The following SCAF4 variants were observed in gnomAD, a reference collection of about 807,000 sequenced individuals.
The protein encoded by SCAF4 is SR-related CTD associated factor 4.
A neutral mutation model predicts 129.8 loss-of-function variants in SCAF4; 25 were observed. That is an observed-to-expected ratio of 0.19 (90% CI 0.14 to 0.27). The LOEUF is 0.27. Ranked by LOEUF, SCAF4 falls within the 10% of genes least tolerant of loss-of-function variation. SCAF4 has a pLI of 1.00. For missense variants in SCAF4, 1,246 were observed against 1,457.1 expected (o/e 0.86, Z 2.36); for synonymous variants, 551 against 497.7 (o/e 1.11, Z -1.43).
At chr21:31,672,507 A>G (rs2833475) in intron 19 of SCAF4, among the ~76,000 whole-genome samples, 153 bp from the exon 20 acceptor site, 20,555 of 152,248 alleles carry the variant, frequency 0.14, 2,117 homozygotes, top group East Asian at 0.51. Context: ...TGTGAGGCCT[A>G]GTAACAACCT....
intron 1 of SCAF4, among the ~76,000 whole-genome samples, chr21:31,708,294 T>G (rs2050717056): frequency 6.6e-6 from 1 of 151,760 alleles, no homozygotes; most frequent in African/African-American, 2.4e-5. Flanking sequence ...GAGAATCGCT[T>G]GAACCCAGGA....
intron 3 of SCAF4, among the ~76,000 whole-genome samples, chr21:31,704,450 G>C (rs957623145): frequency 6.6e-6 from 1 of 151,786 alleles, no homozygotes; most frequent in African/African-American, 2.4e-5. Flanking sequence ...AGTGGAAACA[G>C]GTATAACCCT....
At position 31,708,373 on chromosome 21, in the gene SCAF4, C is replaced by A. The variant is rs538316689; in HGVS notation, c.31-2016G>T. On this transcript the variant is annotated intron_variant, in intron 1 of 19. Transcript: ENST00000286835. ...CCAGGCCAGGCGACAGAGCGAGACT[C>A]TGTCTTTAAAAAAAAAAAAGAAAAG... 6.0e-4 allele frequency among the ~76,000 whole-genome samples: 90 copies of A among 150,112 alleles called. No individual in the cohort carries two copies. In the South Asian group the frequency reaches 0.019, roughly 31 times the overall value.
Position 31,731,728 on chromosome 21 carries a change from G to A in SCAF4, c.-36C>T, listed in dbSNP as rs777415439. On this transcript the variant is annotated 5_prime_UTR_variant, in exon 1 of 20. Transcript: ENST00000286835. ...CGGCGGCGGCTGCTCCGGGCCCGCCGGTCACATAGACCTCGCGCCGCGGCG... is the reference window on the plus strand; with the variant it reads ...CGGCGGCGGCTGCTCCGGGCCCGCCAGTCACATAGACCTCGCGCCGCGGCG... The A allele has an allele frequency of 3.2e-6, 5 of 1,570,338 alleles. No homozygotes were observed. Among genetic ancestry groups the A allele is most frequent in the African/African-American group, 2.8e-5 (2 of 70,920 alleles).
At position 31,685,549 on chromosome 21, in the gene SCAF4, CACAG is replaced by C. The variant is rs1334799542; in HGVS notation, c.2209+15_2209+18del. ...TCCATCGCAGGCTCTAAAGTATGTT[CACAG>C]ACAATTTAGTGTACCTGGTGGTAAA... On this transcript the variant is annotated intron_variant, in intron 17 of 19. Transcript: ENST00000286835. 1.2e-6 allele frequency: 2 copies of C among 1,613,942 alleles called. No homozygotes were observed. The highest frequency in any genetic ancestry group is 1.7e-6 in the Non-Finnish European group (2 of 1,179,970).
intron 15 of SCAF4, among the ~76,000 whole-genome samples, chr21:31,689,447 G>A (rs140462866): frequency 6.8e-4 from 102 of 149,212 alleles, no homozygotes; most frequent in African/African-American, 2.2e-3. Flanking sequence ...ACAGACACCC[G>A]CCACCACATC....
intron 5 of SCAF4, 59 bp downstream of exon 5, chr21:31,702,185 C>T (rs1221261999): frequency 6.2e-7 from 1 of 1,602,452 alleles, no homozygotes; most frequent in African/African-American, 1.3e-5. Flanking sequence ...TAAACTCTGA[C>T]TGTTTCATGT....
chr21:31,717,892 T>TACAC (rs1295847445), intron 1 of SCAF4, among the ~76,000 whole-genome samples: 1 of 108,520 alleles, frequency 9.2e-6, no homozygotes, highest in Non-Finnish European at 1.7e-5. Flanking sequence ...TATACACATA[T>TACAC]ATACACATAT....
At chr21:31,718,765 C>T (rs1273657272) in intron 1 of SCAF4, among the ~76,000 whole-genome samples, 2 of 152,212 alleles carry the variant, frequency 1.3e-5, no homozygotes, top group Non-Finnish European at 2.9e-5. Flanking sequence ...TCATAAGCAA[C>T]AAAACCGCAC....
chr21:31,723,629 T>TGTGTGTGTGC (rs1271033175), intron 1 of SCAF4, among the ~76,000 whole-genome samples: 5 of 149,000 alleles, frequency 3.4e-5, no homozygotes, highest in African/African-American at 9.9e-5. Flanking sequence ...TGTGTGTGTG[T>TGTGTGTGTGC]GCGCGCGCGC....
In SCAF4 at chr21:31,701,024, G is replaced by C. The variant is rs772938632; in HGVS notation, c.748C>G (p.Pro250Ala). Residue 250 changes from proline to alanine, a missense_variant, in exon 7 of 20, where the codon CCA becomes GCA. Coordinates refer to ENST00000286835, the MANE Select transcript of SCAF4 (RefSeq NM_020706.2). ...TCAAATGCAGTTTTCTGTTCAGGTG[G>C]GGGGAAAGCAGCTTTTTGTTCAGAT... ...QPSEQKAAFP[P>A]PEQKTAFDKK... 1.2e-6 allele frequency: 2 copies of C among 1,614,046 alleles called. No homozygotes were observed. Among genetic ancestry groups the C allele is most frequent in the Non-Finnish European group, 1.7e-6 (2 of 1,179,992 alleles).
At chr21:31,724,957 G>C (rs1050380357) in intron 1 of SCAF4, among the ~76,000 whole-genome samples, 8 of 152,142 alleles carry the variant, frequency 5.3e-5, no homozygotes, top group African/African-American at 1.9e-4. Context: ...GCTACAGAAA[G>C]CTCTGAAGAA....
intron 1 of SCAF4, among the ~76,000 whole-genome samples, chr21:31,719,227 T>C (rs911974486): frequency 6.6e-5 from 10 of 151,988 alleles, no homozygotes; most frequent in African/African-American, 1.9e-4. Context: ...GAGGTGGAGA[T>C]TGCGGTCAGC....
chr21:31,689,011 C>T (rs1017816148), intron 15 of SCAF4, among the ~76,000 whole-genome samples: 1 of 152,204 alleles, frequency 6.6e-6, no homozygotes, highest in East Asian at 1.9e-4. Context: ...TCCTCTGAGG[C>T]TCTGGCTCCA....
chr21:31,684,434 A>G (rs1330814731), intron 19 of SCAF4: 1 of 152,420 alleles, frequency 6.6e-6, no homozygotes, highest in African/African-American at 2.4e-5. Flanking sequence ...GCCCTTGATC[A>G]CAGTATTGAA....
At chr21:31,711,114 T>C (rs898863652) in intron 1 of SCAF4, among the ~76,000 whole-genome samples, 10 of 152,208 alleles carry the variant, frequency 6.6e-5, no homozygotes, top group Admixed American at 3.3e-4. Flanking sequence ...CAGAGAAGTT[T>C]CTTTTGGGAT....
rs1352258673 is a variant in SCAF4 at position 31,671,447 on chromosome 21, G to A, written c.3396C>T (p.Ser1132=). 1.2e-6 allele frequency: 2 copies of A among 1,614,046 alleles called. No homozygotes were observed. The highest frequency in any genetic ancestry group is 1.7e-6 in the Non-Finnish European group (2 of 1,179,914). Residue 1132 remains serine, a synonymous_variant, in exon 20 of 20, where the codon TCC becomes TCT. Coordinates refer to ENST00000286835, the MANE Select transcript of SCAF4 (RefSeq NM_020706.2). ...SEELPAEATS[S]VEPEKDSGSA... ...AGCCAGAATCCTTTTCGGGTTCAAC[G>A]GATGAGGTAGCCTCAGCAGGTAACT...
intron 5 of SCAF4, 28 bp from the exon 6 acceptor site, chr21:31,701,946 A>T (rs1183635647): frequency 6.4e-7 from 1 of 1,568,800 alleles, no homozygotes; most frequent in African/African-American, 1.4e-5. Context: ...ATTAAGGCCT[A>T]AAAAAAAAGT....
intron 19 of SCAF4, among the ~76,000 whole-genome samples, chr21:31,673,517 ATG>A (rs2049768608): frequency 6.6e-6 from 1 of 152,220 alleles, no homozygotes; most frequent in Non-Finnish European, 1.5e-5. Flanking sequence ...AAATTGTGAA[ATG>A]GATGAGGTGA....
Sources: gnomAD v4.1 joint callset for allele counts (sites outside exome capture counted in the v4.1 genomes callset) on GRCh38, gnomAD v4.1.1 for gene constraint, MANE v1.5 for transcripts, NCBI Gene and HGNC (gene_info 2026-07-23, HGNC 2026-07-21) for gene names.